The following RALYL variants were observed in gnomAD, a reference collection of about 807,000 sequenced individuals.
RALYL encodes the protein RNA-binding Raly-like protein.
Under a neutral mutation model 35.1 loss-of-function variants are expected in RALYL, and 29 were observed. That is an observed-to-expected ratio of 0.83 (90% CI 0.61 to 1.13). RALYL has a LOEUF of 1.13. RALYL is among the 50% of genes most tolerant of loss of function. RALYL has a pLI of 0.00. For missense variants in RALYL, 359 were observed against 360.4 expected (o/e 1.00, Z 0.03); for synonymous variants, 120 against 127.6 (o/e 0.94, Z 0.40).
At chr8:84,408,446 A>G (rs1319000970) in intron 1 of RALYL, among the ~76,000 whole-genome samples, 1 of 152,242 alleles carries the variant, frequency 6.6e-6, no homozygotes, top group Non-Finnish European at 1.5e-5. Context: ...AATCTATGCT[A>G]CAGATTTAAT....
intron 2 of RALYL, among the ~76,000 whole-genome samples, chr8:84,558,612 A>T (rs2061285505): frequency 1.3e-5 from 2 of 152,208 alleles, no homozygotes; most frequent in South Asian, 4.2e-4. Context: ...CTGTGGATTT[A>T]ATTTATTTCC....
chr8:84,796,678 T>A (rs1199367061), intron 3 of RALYL, among the ~76,000 whole-genome samples: 1 of 152,236 alleles, frequency 6.6e-6, no homozygotes, highest in Non-Finnish European at 1.5e-5. Context: ...TGGATGTGTT[T>A]AGATTACAAA....
At chr8:84,491,191 T>C (rs2055257787) in intron 1 of RALYL, among the ~76,000 whole-genome samples, 2 of 152,052 alleles carry the variant, frequency 1.3e-5, no homozygotes, top group African/African-American at 2.4e-5. Context: ...TCTTTAATAC[T>C]ACTTGCTCAC....
At chr8:84,799,668 G>A (rs1299337171) in intron 3 of RALYL, among the ~76,000 whole-genome samples, 4 of 152,206 alleles carry the variant, frequency 2.6e-5, no homozygotes, top group African/African-American at 7.2e-5. Flanking sequence ...CAAAATAAGC[G>A]AGGAAGGGCC....
At chr8:84,527,695 A>C (rs1178839496) in intron 1 of RALYL, among the ~76,000 whole-genome samples, 1 of 152,168 alleles carries the variant, frequency 6.6e-6, no homozygotes, top group Non-Finnish European at 1.5e-5. Context: ...GCAAGATAAA[A>C]AAATATATAT....
intron 1 of RALYL, among the ~76,000 whole-genome samples, chr8:84,446,629 CAT>C (rs2048886194): frequency 6.6e-6 from 1 of 152,026 alleles, no homozygotes; most frequent in South Asian, 2.1e-4. Context: ...TAGGAAATAA[CAT>C]ATTTTCCTGG....
At chr8:84,310,651 A>G (rs1842591126) in intron 1 of RALYL, among the ~76,000 whole-genome samples, 1 of 152,214 alleles carries the variant, frequency 6.6e-6, no homozygotes. Flanking sequence ...AATGTGAAAT[A>G]TGAATTTGAG....
chr8:84,737,569 A>G (rs1022755816), intron 2 of RALYL, among the ~76,000 whole-genome samples: 2 of 152,044 alleles, frequency 1.3e-5, no homozygotes, highest in African/African-American at 4.8e-5. Flanking sequence ...TAATTAGCCT[A>G]ACTTTAAATC....
At chr8:84,575,491 G>A (rs1000519910) in intron 2 of RALYL, among the ~76,000 whole-genome samples, 1 of 152,132 alleles carries the variant, frequency 6.6e-6, no homozygotes, top group Non-Finnish European at 1.5e-5. Context: ...ATTGTCTAGT[G>A]CAGCATGGAA....
intron 1 of RALYL, among the ~76,000 whole-genome samples, chr8:84,325,289 A>T (rs1318314091): frequency 6.6e-6 from 1 of 152,140 alleles, no homozygotes; most frequent in Non-Finnish European, 1.5e-5. Context: ...AGCCTAGTCA[A>T]TTTCATTCAC....
intron 2 of RALYL, among the ~76,000 whole-genome samples, chr8:84,772,365 C>T (rs761881762): frequency 2.0e-5 from 3 of 151,996 alleles, no homozygotes; most frequent in Non-Finnish European, 4.4e-5. Flanking sequence ...TCAGAATCAG[C>T]TTGTCAAGCT....
intron 5 of RALYL, among the ~76,000 whole-genome samples, chr8:84,856,174 T>C (rs1348059280): frequency 6.6e-6 from 1 of 152,210 alleles, no homozygotes; most frequent in Non-Finnish European, 1.5e-5. Flanking sequence ...TCAGAAGACA[T>C]GAATTTCAGG....
At chr8:84,889,169 A>T (rs1843402431) in intron 8 of RALYL, among the ~76,000 whole-genome samples, 1 of 134,346 alleles carries the variant, frequency 7.4e-6, no homozygotes, top group African/African-American at 3.3e-5. Flanking sequence ...GATTTCAGGA[A>T]TCTATTGATT....
chr8:84,738,429 G>A (rs1389994791), intron 2 of RALYL, among the ~76,000 whole-genome samples: 1 of 152,030 alleles, frequency 6.6e-6, no homozygotes, highest in African/African-American at 2.4e-5. Context: ...ATGAGTCATT[G>A]CAGGAATGCT....
At chr8:84,584,324 G>A (rs1220991724) in intron 2 of RALYL, among the ~76,000 whole-genome samples, 2 of 152,064 alleles carry the variant, frequency 1.3e-5, no homozygotes, top group Non-Finnish European at 2.9e-5. Flanking sequence ...GATATTTAAG[G>A]CCAGGCGTGG....
chr8:84,793,143 G>A (rs1479417661), intron 3 of RALYL, among the ~76,000 whole-genome samples: 2 of 152,156 alleles, frequency 1.3e-5, no homozygotes, highest in Non-Finnish European at 2.9e-5. Flanking sequence ...GACTGAATGT[G>A]CCTATTTGTG....
At chr8:84,464,589 C>T (rs1400279843) in intron 1 of RALYL, among the ~76,000 whole-genome samples, 10 of 149,564 alleles carry the variant, frequency 6.7e-5, no homozygotes, top group Admixed American at 1.3e-4. Context: ...TGAATAATGC[C>T]GCAATAAACA....
chr8:84,913,029 T>TAGGTA lies in RALYL; in HGVS notation c.859-7865_859-7864insAGGTA, dbSNP rs1425331888. 3.4e-3 allele frequency among the ~76,000 whole-genome samples: 361 copies of TAGGTA among 105,816 alleles called. 2 individuals are homozygous for TAGGTA. The highest frequency in any genetic ancestry group is 0.023 in the East Asian group (75 of 3,260). 69.4% of individuals were successfully genotyped at this position (105,816 alleles called of 152,430 possible). On this transcript the variant is annotated intron_variant, in intron 8 of 8. Transcript: ENST00000521268. ...ATGGATGGATGGATGGATGGATGGA[T>TAGGTA]GGATAGGTAGGTAGATAGATAGATA...
intron 4 of RALYL, among the ~76,000 whole-genome samples, chr8:84,823,655 T>C (rs1828984820): frequency 6.6e-6 from 1 of 151,956 alleles, no homozygotes; most frequent in African/African-American, 2.4e-5. Flanking sequence ...TTCTCTTACT[T>C]TCTCTCTCTC....
Sources: allele counts gnomAD v4.1 joint callset (sites outside exome capture counted in the v4.1 genomes callset), GRCh38; gene constraint gnomAD v4.1.1; transcripts MANE v1.5; gene names NCBI Gene and HGNC (gene_info 2026-07-23, HGNC 2026-07-21).